Variants in CSPP1 observed in about 807,000 individuals in gnomAD.
CSPP1 encodes the protein centrosome and spindle pole associated protein 1.
A neutral mutation model predicts 164.4 loss-of-function variants in CSPP1; 126 were observed. That is an observed-to-expected ratio of 0.77 (90% CI 0.66 to 0.89). CSPP1 has a LOEUF of 0.89. Ranked by LOEUF, CSPP1 falls within the 40% of genes least tolerant of loss-of-function variation. The pLI is 0.00. For synonymous variants in CSPP1, 472 were observed against 476.7 expected, an observed-to-expected ratio of 0.99 and a Z score of 0.13; for missense variants, 1,395 against 1,449.8, an observed-to-expected ratio of 0.96 and a Z score of 0.61.
At chr8:67,158,650 T>C (rs1827137452) in intron 20 of CSPP1, 54 bp downstream of exon 20, 10 of 1,512,414 alleles carry the variant, frequency 6.6e-6, no homozygotes, top group Non-Finnish European at 8.8e-6. Flanking sequence ...GTGAAATCTT[T>C]GACTTGAAAA....
chr8:67,122,768 TC>T (rs148340257), intron 15 of CSPP1, among the ~76,000 whole-genome samples: 7,738 of 142,014 alleles, frequency 0.054, 261 homozygotes, highest in Non-Finnish European at 0.074. Context: ...TAGTGTTATT[TC>T]TTTTATTTCC....
intron 15 of CSPP1, among the ~76,000 whole-genome samples, chr8:67,119,287 ATTAGTGGACACT>A (rs1192395658): frequency 6.6e-6 from 1 of 152,188 alleles, no homozygotes; most frequent in Non-Finnish European, 1.5e-5. Flanking sequence ...CCATTTATCC[ATTAGTGGACACT>A]TTGGATTGCT....
intron 12 of CSPP1, chr8:67,115,011 T>C (rs1209125913): frequency 3.3e-5 from 5 of 152,270 alleles, no homozygotes; most frequent in Non-Finnish European, 5.9e-5. Context: ...ATTTGTTTGC[T>C]ACCTGTTTTC....
chr8:67,179,678 G>A (rs1382698205), intron 27 of CSPP1, among the ~76,000 whole-genome samples, 185 bp from the exon 28 acceptor site: 7 of 152,246 alleles, frequency 4.6e-5, no homozygotes, highest in Middle Eastern at 3.4e-3. Flanking sequence ...CACCGTCTTC[G>A]TAGGAATTGT....
At chr8:67,068,095 C>T (rs1337351030) in intron 1 of CSPP1, among the ~76,000 whole-genome samples, 1 of 152,190 alleles carries the variant, frequency 6.6e-6, no homozygotes, top group African/African-American at 2.4e-5. Context: ...GTGATCCACT[C>T]TCCTTGGCTT....
At chr8:67,073,440 A>G (rs758858751) in intron 1 of CSPP1, among the ~76,000 whole-genome samples, 5 of 152,204 alleles carry the variant, frequency 3.3e-5, no homozygotes, top group Non-Finnish European at 7.3e-5. Context: ...TTGGTAAAAG[A>G]CAAAGAAAGA....
chr8:67,152,579 C>G (rs1261848211), intron 18 of CSPP1, among the ~76,000 whole-genome samples: 1 of 152,162 alleles, frequency 6.6e-6, no homozygotes, highest in African/African-American at 2.4e-5. Context: ...TCTTGTCTGT[C>G]TCTAATAATA....
chr8:67,185,115 A>AC, intron 28 of CSPP1, among the ~76,000 whole-genome samples: 1 of 150,074 alleles, frequency 6.7e-6, no homozygotes, highest in African/African-American at 2.5e-5. Flanking sequence ...AAAAAAAAAA[A>AC]AACAAAAACA....
intron 1 of CSPP1, among the ~76,000 whole-genome samples, chr8:67,071,486 G>A (rs2129540576): frequency 6.6e-6 from 1 of 151,340 alleles, no homozygotes; most frequent in East Asian, 1.9e-4. Context: ...CATTTACTGT[G>A]GCTTCAACTG....
chr8:67,156,682 C>G (rs927458487), intron 19 of CSPP1, among the ~76,000 whole-genome samples: 1 of 152,040 alleles, frequency 6.6e-6, no homozygotes, highest in African/African-American at 2.4e-5. Flanking sequence ...CAAATCTGTG[C>G]ACAAAGATGG....
chr8:67,097,825 T>C (rs1364461698), intron 7 of CSPP1, among the ~76,000 whole-genome samples: 1 of 151,952 alleles, frequency 6.6e-6, no homozygotes, highest in Non-Finnish European at 1.5e-5. Flanking sequence ...ACTCCTTCAA[T>C]ATAAACTTTT....
rs940763532 is a variant in CSPP1, at chr8:67,149,844, A to T, written c.2037A>T (p.Thr679=). The change falls in exon 18 of 31, where the codon ACA becomes ACT. Residue 679 remains threonine, a synonymous_variant. Coordinates refer to ENST00000678616, the MANE Select transcript of CSPP1 (RefSeq NM_001382391.1). ...CCTACCATAACCCAGATGCAAGAAC[A>T]TATGAAGATAAAAGGGCTGTTGTAT... ...IDAYHNPDAR[T]YEDKRAVVSL... 2.5e-6 allele frequency: 4 copies of T among 1,608,572 alleles called. No homozygotes were observed. The highest frequency in any genetic ancestry group is 3.4e-6 in the Non-Finnish European group (4 of 1,177,630).
intron 3 of CSPP1, among the ~76,000 whole-genome samples, chr8:67,079,376 G>A (rs1292836244): frequency 6.6e-6 from 1 of 152,140 alleles, no homozygotes; most frequent in Non-Finnish European, 1.5e-5. Context: ...TGAGCTGGCT[G>A]CCTAGTCATC....
At chr8:67,111,442 A>G (rs1816816286) in intron 9 of CSPP1, among the ~76,000 whole-genome samples, 1 of 152,154 alleles carries the variant, frequency 6.6e-6, no homozygotes, top group African/African-American at 2.4e-5. Context: ...GCTGCAATCC[A>G]GGTTAGATGT....
intron 23 of CSPP1, 104 bp downstream of exon 23, chr8:67,163,902 G>A (rs1050199945): frequency 1.8e-5 from 15 of 850,630 alleles, no homozygotes; most frequent in South Asian, 3.5e-5. Context: ...AGTATAGAGC[G>A]GTTAGGTGCT....
intron 8 of CSPP1, among the ~76,000 whole-genome samples, chr8:67,104,437 A>T (rs535305047): frequency 2.0e-5 from 3 of 151,618 alleles, no homozygotes; most frequent in East Asian, 3.9e-4. Flanking sequence ...CTAGTTTTTT[A>T]AAAAATTTTT....
At chr8:67,069,950 G>T (rs1333209266) in intron 1 of CSPP1, among the ~76,000 whole-genome samples, 2 of 151,696 alleles carry the variant, frequency 1.3e-5, no homozygotes, top group Non-Finnish European at 2.9e-5. Flanking sequence ...GTGAGCCACC[G>T]CCCCCAACCT....
At chr8:67,128,015 T>C (rs995253299) in intron 15 of CSPP1, among the ~76,000 whole-genome samples, 11 of 152,224 alleles carry the variant, frequency 7.2e-5, no homozygotes, top group Non-Finnish European at 1.6e-4. Context: ...TTTAGCATGC[T>C]TTAATCTTTG....
intron 17 of CSPP1, among the ~76,000 whole-genome samples, chr8:67,140,387 CTTTAAT>C (rs1174010912): frequency 6.6e-6 from 1 of 152,020 alleles, no homozygotes; most frequent in African/African-American, 2.4e-5. Context: ...GCCCAGCCTA[CTTTAAT>C]TTTAATAGCT....
Sources: gnomAD v4.1 joint callset for allele counts (sites outside exome capture counted in the v4.1 genomes callset) on GRCh38, gnomAD v4.1.1 for gene constraint, MANE v1.5 for transcripts, NCBI Gene and HGNC (gene_info 2026-07-23, HGNC 2026-07-21) for gene names.